P2RY14: variants seen among roughly 807,000 people sequenced by gnomAD.
The protein encoded by P2RY14 is P2Y purinoceptor 14.
P2RY14 carries 2 observed loss-of-function variants against 0.9 expected under a neutral mutation model. The observed-to-expected ratio is 2.16, with a 90% CI of 0.88 to 6.79. P2RY14 has a LOEUF of 6.79. P2RY14 is among the 30% of genes most tolerant of loss of function. The pLI is 0.05. For synonymous variants in P2RY14, 158 were observed against 147.2 expected, an observed-to-expected ratio of 1.07 and a Z score of -0.53; for missense variants, 378 against 400.1, an observed-to-expected ratio of 0.94 and a Z score of 0.47.
chr3:151,216,672 C>T (rs993240548), intron 2 of P2RY14, among the ~76,000 whole-genome samples: 1 of 152,170 alleles, frequency 6.6e-6, no homozygotes, highest in Non-Finnish European at 1.5e-5. Flanking sequence ...CTTCCTCTTC[C>T]CTGTAGCCTT....
intron 1 of P2RY14, among the ~76,000 whole-genome samples, chr3:151,244,740 T>C (rs1489483040): frequency 6.6e-6 from 1 of 151,786 alleles, no homozygotes; most frequent in Admixed American, 6.6e-5. Flanking sequence ...ATTCAAAAGC[T>C]AGCAGAAGGC....
intron 1 of P2RY14, among the ~76,000 whole-genome samples, chr3:151,245,339 T>TGATGG (rs1735171185): frequency 6.6e-6 from 1 of 151,872 alleles, no homozygotes; most frequent in East Asian, 1.9e-4. Flanking sequence ...TAGACCAATA[T>TGATGG]CCTTGATGAA....
chr3:151,251,754 G>A lies in P2RY14; in HGVS notation c.-133+26533C>T, dbSNP rs538519867. Among the ~76,000 whole-genome samples, 189 of 152,192 alleles carry A rather than the reference G, an allele frequency of 1.2e-3. 2 individuals are homozygous for A. Among genetic ancestry groups the A allele is most frequent in the Middle Eastern group, 6.8e-3 (2 of 294 alleles). ...TTCCTCTGCCTAGAACAGCTCTCTG[G>A]AATAATTTCTCTTCTTTCACCTGGC... On this transcript the variant is annotated intron_variant, in intron 1 of 2. Transcript: ENST00000309170.
chr3:151,239,786 G>A (rs536849348), intron 1 of P2RY14, among the ~76,000 whole-genome samples: 39 of 152,146 alleles, frequency 2.6e-4, no homozygotes, highest in Non-Finnish European at 4.7e-4. Context: ...TAGTTTGCTT[G>A]TTTTAGCACT....
intron 1 of P2RY14, among the ~76,000 whole-genome samples, chr3:151,266,380 C>T (rs1197975354): frequency 6.6e-6 from 1 of 152,210 alleles, no homozygotes; most frequent in Non-Finnish European, 1.5e-5. Flanking sequence ...CTTTTAGGAT[C>T]ACATTTACAG....
chr3:151,242,368 G>C (rs1344688994), intron 1 of P2RY14, among the ~76,000 whole-genome samples: 3 of 152,198 alleles, frequency 2.0e-5, no homozygotes, highest in Non-Finnish European at 4.4e-5. Context: ...AGACTTAAAT[G>C]TCCCTGTCTG....
chr3:151,244,708 C>T (rs1440367400), intron 1 of P2RY14, among the ~76,000 whole-genome samples: 1 of 151,296 alleles, frequency 6.6e-6, no homozygotes, highest in African/African-American at 2.4e-5. Context: ...ATTAAAAGAA[C>T]TAGAAAAGCA....
At chr3:151,232,094 G>C (rs1731794776) in intron 1 of P2RY14, among the ~76,000 whole-genome samples, 1 of 152,140 alleles carries the variant, frequency 6.6e-6, no homozygotes, top group Non-Finnish European at 1.5e-5. Flanking sequence ...GGGTGTCTCT[G>C]CTATTTTTCT....
At chr3:151,218,510 A>C (rs1198931864) in intron 2 of P2RY14, among the ~76,000 whole-genome samples, 2 of 152,220 alleles carry the variant, frequency 1.3e-5, no homozygotes, top group African/African-American at 4.8e-5. Flanking sequence ...GAATATAAAC[A>C]ATGCTTCCTA....
chr3:151,237,045 CTTTTTTT>C (rs56926535), intron 1 of P2RY14, among the ~76,000 whole-genome samples: 4 of 125,866 alleles, frequency 3.2e-5, no homozygotes, highest in East Asian at 2.3e-4. Context: ...TGATGCCAAA[CTTTTTTT>C]TTTTTTTTTT....
In P2RY14 at chr3:151,213,913, A is replaced by C; in HGVS notation, c.404T>G (p.Val135Gly). The C allele has an allele frequency of 6.2e-7, 1 of 1,614,154 alleles. No homozygotes were observed. Among genetic ancestry groups the C allele is most frequent in the Non-Finnish European group, 8.5e-7 (1 of 1,179,996 alleles). ...CACTGACAGAAGTTTGCTGTAACTC[A>C]CTGACTGGATGAAAGAAGTCCAAAG... ...KPLWTSFIQS[V>G]SYSKLLSVIV... is the part of the protein sequence containing the mutation. Residue 135 changes from valine (V) to glycine (G), a missense_variant, in exon 3 of 3, where the codon GTG becomes GGG. Coordinates refer to ENST00000309170, the MANE Select transcript of P2RY14 (RefSeq NM_014879.4).
intron 1 of P2RY14, among the ~76,000 whole-genome samples, chr3:151,220,369 C>T (rs1342568705): frequency 6.6e-6 from 1 of 152,150 alleles, no homozygotes; most frequent in South Asian, 2.1e-4. Context: ...ATTCTTTAAA[C>T]CAGTGAGTGC....
Position 151,271,240 on chromosome 3 carries a change from G to C in P2RY14, c.-133+7047C>G, listed in dbSNP as rs999387912. Among the ~76,000 whole-genome samples the C allele has an allele frequency of 1.3e-4, 20 of 152,252 alleles. 1 individual carries two copies. The highest frequency in any genetic ancestry group is 9.8e-4 in the Admixed American group (15 of 15,282). ...AAACAAATAATTCACAAAGGAAGCTGTTTGGTCAAGGAGCACATGAAAAGA... is the reference window on the plus strand; with the variant it reads ...AAACAAATAATTCACAAAGGAAGCTCTTTGGTCAAGGAGCACATGAAAAGA... On this transcript the variant is annotated intron_variant, in intron 1 of 2. Coordinates refer to ENST00000309170, the MANE Select transcript of P2RY14 (RefSeq NM_014879.4).
rs548805182 is a variant in P2RY14, at chr3:151,234,569, C to T, written c.-132-14927G>A. 2.6e-5 allele frequency among the ~76,000 whole-genome samples: 4 copies of T among 152,242 alleles called. No homozygotes were observed. In the South Asian group the frequency reaches 8.3e-4, roughly 32 times the overall value. On this transcript the variant is annotated intron_variant, in intron 1 of 2. Transcript: ENST00000309170. ...TCATAGTAGGTGCTGTATAAACTTT[C>T]TGATGAATGACCAAAAATATCCTTA...
intron 1 of P2RY14, among the ~76,000 whole-genome samples, chr3:151,277,482 T>C (rs1212753413): frequency 6.6e-6 from 1 of 152,158 alleles, no homozygotes; most frequent in East Asian, 1.9e-4. Context: ...ATACAAACTA[T>C]TTATTTTTTT....
At chr3:151,260,495 G>A (rs572155584) in intron 1 of P2RY14, among the ~76,000 whole-genome samples, 9 of 152,090 alleles carry the variant, frequency 5.9e-5, no homozygotes, top group African/African-American at 1.7e-4. Context: ...GACTGCAGGC[G>A]TGTACCACTG....
intron 1 of P2RY14, chr3:151,261,383 C>G (rs889340832): frequency 6.6e-6 from 1 of 152,082 alleles, no homozygotes; most frequent in Non-Finnish European, 1.5e-5. Context: ...CAAGTGTAGC[C>G]TACCTGGAAT....
At chr3:151,268,176 A>G (rs561857006) in intron 1 of P2RY14, among the ~76,000 whole-genome samples, 18 of 152,242 alleles carry the variant, frequency 1.2e-4, no homozygotes, top group African/African-American at 4.3e-4. Context: ...AAAGCTACCT[A>G]AATCCTATAA....
chr3:151,213,085 A>T lies in P2RY14; in HGVS notation c.*215T>A, dbSNP rs1727448849. 2.8e-6 allele frequency: 1 copy of T among 361,950 alleles called. No individual in the cohort carries two copies. The highest frequency in any genetic ancestry group is 4.5e-5 in the East Asian group (1 of 22,052). The allele number at this position is 361,950 out of a possible 1,614,324, so 22.4% of individuals were successfully genotyped here. A position where few individuals can be genotyped will look rare whatever the true frequency, so the allele number is the denominator to read the frequency against. ...TGTATTAATTTTTTATTAATAGAGA[A>T]TAGAAAGGTCAGTATTAGAGAAATT... On this transcript the variant is annotated 3_prime_UTR_variant, in exon 3 of 3. Transcript: ENST00000309170.
Sources: gnomAD v4.1 joint callset for allele counts (sites outside exome capture counted in the v4.1 genomes callset) on GRCh38, gnomAD v4.1.1 for gene constraint, MANE v1.5 for transcripts, NCBI Gene and HGNC (gene_info 2026-07-23, HGNC 2026-07-21) for gene names.